Variants in NLGN4Y observed in about 807,000 individuals in gnomAD.
NLGN4Y encodes the protein neuroligin 4 Y-linked.
In NLGN4Y, 4 loss-of-function variants were observed where a neutral mutation model predicts 8.4. That is an observed-to-expected ratio of 0.48 (90% CI 0.23 to 1.09). The LOEUF (loss-of-function observed/expected upper bound fraction) is 1.09. Among genes scored for constraint, NLGN4Y ranks in the 50% least tolerant of loss-of-function variants. The pLI, the probability that NLGN4Y is intolerant of heterozygous loss-of-function variation, is 0.19. For missense variants in NLGN4Y, 90 were observed against 192.3 expected (o/e 0.47, Z 3.15); for synonymous variants, 35 against 75.6 (o/e 0.46, Z 2.78).
intron 2 of NLGN4Y, among the ~76,000 whole-genome samples, chrY:14,680,668 G>A: frequency 3.0e-5 from 1 of 33,416 alleles, no homozygotes; most frequent in Non-Finnish European, 7.4e-5. Context: ...ATAAAACAGC[G>A]TGCCCCACAC....
At chrY:14,752,162 T>C in intron 4 of NLGN4Y, among the ~76,000 whole-genome samples, 2 of 33,449 alleles carry the variant, frequency 6.0e-5, no homozygotes, top group Non-Finnish European at 1.5e-4. Context: ...GTGTAGTTTA[T>C]TTTCCCTTAG....
chrY:14,833,697 C>T (rs2043187568), intron 6 of NLGN4Y, among the ~76,000 whole-genome samples: 1 of 33,493 alleles, frequency 3.0e-5, no homozygotes, highest in Non-Finnish European at 7.4e-5. Context: ...GGCGATGCCT[C>T]GCCCTGCTTC....
chrY:14,599,480 C>G, intron 1 of NLGN4Y, among the ~76,000 whole-genome samples: 1 of 32,105 alleles, frequency 3.1e-5, no homozygotes, highest in Non-Finnish European at 7.5e-5. Context: ...GGTGCCTACC[C>G]GCTTGAGTGT....
chrY:14,841,568 TG>T lies in NLGN4Y; in HGVS notation c.*307del, dbSNP rs2043222855. ...AGGACATCACCATTTCAAGGAACTG[TG>T]TGTTTCCAACATCATGGTAGCAGCA... On this transcript the variant is annotated 3_prime_UTR_variant, in exon 7 of 7. Coordinates refer to ENST00000684976, the MANE Select transcript of NLGN4Y (RefSeq NM_001365588.1). 2.3e-5 allele frequency: 3 copies of T among 129,187 alleles called. No homozygotes were observed. The highest frequency in any genetic ancestry group is 4.8e-5 in the Non-Finnish European group (3 of 62,009). 32.2% of individuals were successfully genotyped at this position (129,187 alleles called of 400,897 possible). A position where few individuals can be genotyped will look rare whatever the true frequency, so the allele number is the denominator to read the frequency against.
chrY:14,781,730 T>A, intron 4 of NLGN4Y, among the ~76,000 whole-genome samples: 2 of 33,675 alleles, frequency 5.9e-5, no homozygotes, highest in Non-Finnish European at 1.5e-4. Context: ...AATTAATTTA[T>A]GAACAGTTGC....
chrY:14,839,319 G>A (rs1022856142), intron 6 of NLGN4Y, among the ~76,000 whole-genome samples: 4 of 33,311 alleles, frequency 1.2e-4, no homozygotes, highest in African/African-American at 3.5e-4. Context: ...ATGAGAATTT[G>A]GTATATTTGT....
At chrY:14,570,850 G>T in intron 1 of NLGN4Y, among the ~76,000 whole-genome samples, 1 of 28,221 alleles carries the variant, frequency 3.5e-5, no homozygotes, top group Non-Finnish European at 8.2e-5. Context: ...GTGGTGTTTG[G>T]TTTTTTGTCC....
chrY:14,748,560 C>T, intron 4 of NLGN4Y: 11 of 170,729 alleles, frequency 6.4e-5, no homozygotes, highest in Non-Finnish European at 1.0e-4. Context: ...TCTATCCTCA[C>T]GGATTTTCTA....
intron 4 of NLGN4Y, among the ~76,000 whole-genome samples, chrY:14,805,889 A>C: frequency 2.9e-5 from 1 of 34,443 alleles, no homozygotes; most frequent in Non-Finnish European, 7.3e-5. Context: ...AATCCCAGCT[A>C]TCTGGGAGGC....
At chrY:14,604,055 G>A in intron 1 of NLGN4Y, among the ~76,000 whole-genome samples, 1 of 32,901 alleles carries the variant, frequency 3.0e-5, no homozygotes, top group African/African-American at 1.2e-4. Flanking sequence ...TAAACCCAAA[G>A]TGATGGTGCT....
At chrY:14,777,408 C>G in intron 4 of NLGN4Y, among the ~76,000 whole-genome samples, 1 of 33,598 alleles carries the variant, frequency 3.0e-5, no homozygotes, top group African/African-American at 1.2e-4. Context: ...AAATCACACT[C>G]AGATCATAAT....
At chrY:14,839,232 C>A (rs774588724) in intron 6 of NLGN4Y, among the ~76,000 whole-genome samples, 30 of 33,402 alleles carry the variant, frequency 9.0e-4, no homozygotes, top group African/African-American at 3.2e-3. Flanking sequence ...TGCACAATCT[C>A]AATTTTTTGT....
At chrY:14,817,343 G>A in intron 4 of NLGN4Y, among the ~76,000 whole-genome samples, 1 of 33,065 alleles carries the variant, frequency 3.0e-5, no homozygotes, top group Non-Finnish European at 7.4e-5. Flanking sequence ...TGGCCATCTC[G>A]CCGTATCCAG....
chrY:14,825,124 C>T (rs2043138720), intron 5 of NLGN4Y, among the ~76,000 whole-genome samples: 1 of 32,753 alleles, frequency 3.1e-5, no homozygotes, highest in African/African-American at 1.2e-4. Context: ...CTTCTGGAAA[C>T]ATTAGGAACA....
At chrY:14,581,265 T>C (rs1196672615) in intron 1 of NLGN4Y, among the ~76,000 whole-genome samples, 3 of 33,413 alleles carry the variant, frequency 9.0e-5, no homozygotes, top group Non-Finnish European at 2.2e-4. Flanking sequence ...CCTTTTTTTT[T>C]TCTCTCTCTC....
chrY:14,659,229 C>T (rs2080665695), intron 2 of NLGN4Y, among the ~76,000 whole-genome samples: 1 of 32,976 alleles, frequency 3.0e-5, no homozygotes, highest in South Asian at 6.9e-4. Context: ...ATTTCAGTGA[C>T]ACACCTGTCA....
intron 2 of NLGN4Y, among the ~76,000 whole-genome samples, chrY:14,672,273 C>T (rs2080713434): frequency 3.1e-5 from 1 of 31,895 alleles, no homozygotes; most frequent in African/African-American, 1.2e-4. Flanking sequence ...GCCTGTAATC[C>T]CAGCACTTTG....
chrY:14,844,994 G>T lies in NLGN4Y; in HGVS notation c.*3732G>T. On this transcript the variant is annotated 3_prime_UTR_variant, in exon 7 of 7. Coordinates refer to ENST00000684976, the MANE Select transcript of NLGN4Y (RefSeq NM_001365588.1). ...TAGACAAACAAATGCTTATCATTGT[G>T]TTACAGTTGCCTAAGGTCTTCTCTC... is the stretch of plus-strand genomic sequence containing the variant. 1 of 33,027 alleles carries T rather than the reference G, an allele frequency of 3.0e-5. No homozygotes were observed. Among genetic ancestry groups the T allele is most frequent in the South Asian group, 6.8e-4 (1 of 1,477 alleles). The allele number at this position is 33,027 out of a possible 400,897, so 8.2% of individuals were successfully genotyped here.
chrY:14,631,918 A>T (rs2080550632), intron 2 of NLGN4Y, among the ~76,000 whole-genome samples: 1 of 33,639 alleles, frequency 3.0e-5, no homozygotes. Flanking sequence ...ATGCCAGTTT[A>T]TCCCCTTAGC....
Sources: allele counts gnomAD v4.1 joint callset (sites outside exome capture counted in the v4.1 genomes callset), GRCh38; gene constraint gnomAD v4.1.1; transcripts MANE v1.5; gene names NCBI Gene and HGNC (gene_info 2026-07-23, HGNC 2026-07-21).